CLPB: variants seen among roughly 807,000 people sequenced by gnomAD.
CLPB encodes the protein ClpB family mitochondrial disaggregase, also known as mitochondrial disaggregase.
A neutral mutation model predicts 78.4 loss-of-function variants in CLPB; 40 were observed. The ratio of observed to expected loss-of-function variants is 0.51; its 90% confidence interval spans 0.40 to 0.66. The LOEUF is 0.66. Ranked by LOEUF, CLPB falls within the 30% of genes least tolerant of loss-of-function variation. The probability of loss-of-function intolerance (pLI) is 0.00; values close to 1 mark genes in which losing one functional copy is unlikely to be tolerated. For synonymous variants in CLPB, 333 were observed against 348.0 expected, an observed-to-expected ratio of 0.96 and a Z score of 0.48; for missense variants, 780 against 886.9, an observed-to-expected ratio of 0.88 and a Z score of 1.53.
intron 2 of CLPB, among the ~76,000 whole-genome samples, chr11:72,414,061 CAGA>C (rs1344475263): frequency 6.6e-6 from 1 of 152,130 alleles, no homozygotes; most frequent in Non-Finnish European, 1.5e-5. Context: ...CAGAGTGTGC[CAGA>C]AAGGATGGGC....
intron 9 of CLPB, among the ~76,000 whole-genome samples, chr11:72,304,366 C>G (rs1949710710): frequency 3.3e-5 from 5 of 152,214 alleles, no homozygotes. Context: ...CTGATGTAAA[C>G]AGAGGTCCTG....
At chr11:72,408,094 A>G (rs559032408) in intron 2 of CLPB, 1 of 1,528,986 alleles carries the variant, frequency 6.5e-7, no homozygotes, top group South Asian at 1.2e-5. Context: ...AGGGCTCTAC[A>G]AACCTGAGGG....
rs1428555771 is a variant in CLPB at position 72,358,880 on chromosome 11, C to T, written c.775G>A (p.Gly259Arg). ...ACCCCTCCTCCACCTCTGCTCTCAC[C>T]TCCATCAAGCAGCTCCTTGACAGTG... ...YRTVKELLDG[G>R]ANPLQRNEMG... is the part of the protein sequence containing the mutation. The change falls in exon 5 of 16, where the codon GGA (glycine) becomes AGA (arginine). Residue 259 changes from glycine to arginine, a missense_variant and splice_region_variant. Physicochemically the swap from Gly to Arg is moderately radical, Grantham distance 125 (BLOSUM62 -2). Around this residue, in one of 3 missense-constraint regions of CLPB, gnomAD observed 417 missense variants for 414.7 expected, o/e 1.01. Coordinates refer to ENST00000538039, the MANE Select transcript of CLPB (RefSeq NM_001258392.3). 6.3e-7 allele frequency: 1 copy of T among 1,590,588 alleles called. No individual in the cohort carries two copies. The highest frequency in any genetic ancestry group is 2.3e-5 in the East Asian group (1 of 43,720).
chr11:72,295,781 G>C, intron 11 of CLPB, 133 bp from the exon 12 acceptor site: 2 of 841,790 alleles, frequency 2.4e-6, no homozygotes, highest in South Asian at 3.5e-5. Context: ...GCAGCCAGCT[G>C]CTTCCTCCTC....
chr11:72,428,656 T>C (rs1056037441), intron 2 of CLPB: 1 of 152,284 alleles, frequency 6.6e-6, no homozygotes, highest in African/African-American at 2.4e-5. Flanking sequence ...AGGGAGATTC[T>C]GACAGGGTCA....
intron 3 of CLPB, among the ~76,000 whole-genome samples, chr11:72,388,398 C>T (rs1855148129): frequency 6.6e-6 from 1 of 152,006 alleles, no homozygotes; most frequent in Non-Finnish European, 1.5e-5. Context: ...CTACAGGCAC[C>T]TGCCACCATG....
At chr11:72,386,792 T>A (rs1855092264) in intron 3 of CLPB, among the ~76,000 whole-genome samples, 1 of 152,164 alleles carries the variant, frequency 6.6e-6, no homozygotes, top group Non-Finnish European at 1.5e-5. Flanking sequence ...ATGAGAAGGG[T>A]CTCTAAGCAG....
chr11:72,296,329 A>C (rs761821090), intron 11 of CLPB, among the ~76,000 whole-genome samples: 33 of 152,252 alleles, frequency 2.2e-4, no homozygotes, highest in Non-Finnish European at 4.4e-4. Context: ...ATAAAAAATG[A>C]GATTGCTTCT....
intron 11 of CLPB, among the ~76,000 whole-genome samples, chr11:72,296,126 C>A (rs1480930578): frequency 6.6e-6 from 1 of 152,170 alleles, no homozygotes; most frequent in East Asian, 1.9e-4. Context: ...TAAAGGGAAG[C>A]CCAGCATGCT....
chr11:72,354,895 CT>C (rs1017851792), intron 5 of CLPB, among the ~76,000 whole-genome samples: 36 of 152,284 alleles, frequency 2.4e-4, no homozygotes, highest in African/African-American at 8.2e-4. Flanking sequence ...TCATTTCCCC[CT>C]GTTCGTCCCC....
At chr11:72,332,594 C>CA (rs1950248357) in intron 5 of CLPB, among the ~76,000 whole-genome samples, 1 of 152,176 alleles carries the variant, frequency 6.6e-6, no homozygotes. Context: ...AGAACATTTT[C>CA]ACCCTCCTCC....
At chr11:72,363,719 GC>G (rs1372659659) in intron 4 of CLPB, among the ~76,000 whole-genome samples, 1 of 152,200 alleles carries the variant, frequency 6.6e-6, no homozygotes, top group Admixed American at 6.5e-5. Flanking sequence ...AACTTGCAAT[GC>G]TGGTCGGTGG....
rs1416163273 is a variant in CLPB, at chr11:72,380,266, A to G, written c.646+15T>C. On this transcript the variant is annotated intron_variant, in intron 4 of 15. Transcript: ENST00000538039. ...AGAGGAGAGCTCTCAGAGAAGCAGG[A>G]CAGCCCACACTTACCTTCCAAAGAA... 8 of 1,590,916 alleles carry G rather than the reference A, an allele frequency of 5.0e-6. No homozygotes were observed. Among genetic ancestry groups the G allele is most frequent in the Non-Finnish European group, 6.9e-6 (8 of 1,158,974 alleles).
At chr11:72,332,402 T>C (rs1019349036) in intron 5 of CLPB, among the ~76,000 whole-genome samples, 1 of 151,392 alleles carries the variant, frequency 6.6e-6, no homozygotes, top group African/African-American at 2.4e-5. Flanking sequence ...AGCACAAGAA[T>C]TGCATGAACC....
At chr11:72,426,546 GGAGGGAGGGAGGGAGC>G (rs1489195695) in intron 2 of CLPB, among the ~76,000 whole-genome samples, 1 of 152,080 alleles carries the variant, frequency 6.6e-6, no homozygotes, top group Non-Finnish European at 1.5e-5. Flanking sequence ...ACACAGGAAG[GGAGGGAGGGAGGGAGC>G]GAGGGAGGGA....
intron 2 of CLPB, among the ~76,000 whole-genome samples, chr11:72,424,909 A>C (rs902961013): frequency 1.8e-4 from 28 of 151,904 alleles, no homozygotes; most frequent in South Asian, 1.3e-3. Context: ...CAAAACAAAA[A>C]AAAACACAAA....
At chr11:72,387,360 A>G (rs1855108981) in intron 3 of CLPB, among the ~76,000 whole-genome samples, 1 of 152,204 alleles carries the variant, frequency 6.6e-6, no homozygotes. Context: ...CAGTGTCTTG[A>G]CACATAACAA....
At chr11:72,307,137 G>T in intron 9 of CLPB, 62 bp downstream of exon 9, 1 of 1,454,398 alleles carries the variant, frequency 6.9e-7, no homozygotes. Flanking sequence ...CAGATTTTTT[G>T]GGATAGCAGG....
At chr11:72,370,298 T>G (rs1271812064) in intron 4 of CLPB, among the ~76,000 whole-genome samples, 1 of 152,206 alleles carries the variant, frequency 6.6e-6, no homozygotes, top group East Asian at 1.9e-4. Flanking sequence ...AACTAGTCTA[T>G]CTCTCTCTCC....
Sources: gnomAD v4.1 joint callset for allele counts (sites outside exome capture counted in the v4.1 genomes callset) on GRCh38, gnomAD v4.1.1 for gene constraint, gnomAD v4.1.1 regional missense constraint, MANE v1.5 for transcripts, NCBI Gene and HGNC (gene_info 2026-07-23, HGNC 2026-07-21) for gene names.